METTL17: variants seen among roughly 807,000 people sequenced by gnomAD.
The protein encoded by METTL17 is ribosome assembly protein METTL17, mitochondrial.
In METTL17, 49 loss-of-function variants were observed where a neutral mutation model predicts 59.4. The observed-to-expected ratio is 0.82, with a 90% CI of 0.66 to 1.05. The LOEUF is 1.05. Ranked by LOEUF, METTL17 falls within the 50% of genes least tolerant of loss-of-function variation. The probability of loss-of-function intolerance (pLI) is 0.00; values close to 1 mark genes in which losing one functional copy is unlikely to be tolerated. For missense variants in METTL17, 555 were observed against 578.4 expected (o/e 0.96, Z 0.41); for synonymous variants, 208 against 209.2 (o/e 0.99, Z 0.05).
At chr14:20,995,269 T>C (rs1471320860) in intron 10 of METTL17, 36 bp downstream of exon 10, 4 of 1,559,446 alleles carry the variant, frequency 2.6e-6, no homozygotes, top group Middle Eastern at 3.4e-4. Flanking sequence ...CCCACCCATA[T>C]GGCACCAATT....
chr14:20,990,017 G>A lies in METTL17; in HGVS notation c.15G>A (p.Leu5=). 6.2e-7 allele frequency: 1 copy of A among 1,604,664 alleles called. No individual in the cohort carries two copies. Among genetic ancestry groups the A allele is most frequent in the Non-Finnish European group, 8.5e-7 (1 of 1,173,896 alleles). The change falls in exon 1 of 14, where the codon CTG becomes CTA. Residue 5 remains leucine, a synonymous_variant. Transcript: ENST00000339374. ...CCTCCGGAGCCATGGCGGCGGCACTGAAGTGTCTACTGACATTAGGAAGAT... is the reference window on the plus strand; with the variant it reads ...CCTCCGGAGCCATGGCGGCGGCACTAAAGTGTCTACTGACATTAGGAAGAT... MAAA[L]KCLLTLGRWC... is the part of the protein sequence containing the mutation.
chr14:20,990,754 G>T, intron 3 of METTL17, 156 bp downstream of exon 3: 7 of 913,090 alleles, frequency 7.7e-6, no homozygotes, highest in Non-Finnish European at 9.8e-6. Flanking sequence ...ACTAAAAGAA[G>T]GTAGATTATT....
intron 6 of METTL17, 85 bp downstream of exon 6, chr14:20,993,276 A>G: frequency 1.7e-6 from 2 of 1,143,416 alleles, no homozygotes; most frequent in Admixed American, 3.5e-5. Context: ...ACAGACTGGA[A>G]AACCAGAGGG....
At chr14:20,993,014 C>A in intron 5 of METTL17, 104 bp from the exon 6 acceptor site, 2 of 921,152 alleles carry the variant, frequency 2.2e-6, no homozygotes, top group Non-Finnish European at 3.6e-6. Context: ...TCTCAAAAGG[C>A]ATTCACATCT....
rs946608349 is a variant in METTL17 at position 20,992,280 on chromosome 14, ACAAT to A, written c.446+80_446+83del. 4 of 931,700 alleles carry A rather than the reference ACAAT, an allele frequency of 4.3e-6. No individual in the cohort carries two copies. In the African/African-American group the frequency reaches 6.7e-5, roughly 16 times the overall value. The allele number at this position is 931,700 out of a possible 1,614,324, so 57.7% of individuals were successfully genotyped here. A position where few individuals can be genotyped will look rare whatever the true frequency, so the allele number is the denominator to read the frequency against. Reference sequence around the variant, plus strand: ...AAGAGAGTTGGGGGAGTACAATTACACAATCAATTTAGTATTTTCTTTTATATCA... The same window carrying A: ...AAGAGAGTTGGGGGAGTACAATTACACAATTTAGTATTTTCTTTTATATCA... On this transcript the variant is annotated intron_variant, in intron 4 of 13. Transcript: ENST00000339374.
In METTL17 at chr14:20,996,815, C is replaced by T. The variant is rs768537061; in HGVS notation, c.1296C>T (p.Ser432=). ...TGTATCGTTGTGCCCGTGTCAGCTC[C>T]TGGGGAGATCTTTTACCTGTGCTTA... is the stretch of plus-strand genomic sequence containing the variant. ...RDLYRCARVS[S]WGDLLPVLTP... The change falls in exon 14 of 14, where the codon TCC becomes TCT. Residue 432 remains serine (S), a synonymous_variant. Transcript: ENST00000339374. 3 of 1,614,060 alleles carry T rather than the reference C, an allele frequency of 1.9e-6. No homozygotes were observed. The African/African-American group carries it at 4.0e-5, about 22-fold the overall frequency.
At chr14:20,994,997 C>T in intron 9 of METTL17, 96 bp downstream of exon 9, 1 of 1,207,566 alleles carries the variant, frequency 8.3e-7, no homozygotes, top group South Asian at 1.4e-5. Flanking sequence ...CACCATTTTT[C>T]TCCTTCATGG....
chr14:20,993,852 A>T (rs1482666562), intron 6 of METTL17, 117 bp from the exon 7 acceptor site: 2 of 624,700 alleles, frequency 3.2e-6, no homozygotes, highest in African/African-American at 3.7e-5. Context: ...TAACTATACA[A>T]CTACTTTAAC....
chr14:20,995,817 T>A (rs1880334759), intron 10 of METTL17, 84 bp from the exon 11 acceptor site: 1 of 1,048,158 alleles, frequency 9.5e-7, no homozygotes, highest in South Asian at 1.3e-5. Flanking sequence ...GTTAAAGGAG[T>A]CCTCAGTTTA....
Position 20,990,241 on chromosome 14 carries a change from C to G in METTL17, c.87C>G (p.Ala29=), listed in dbSNP as rs1316069910. ...GVAPQARALA[A]LVPGVTQVDN... is the part of the protein sequence containing the mutation. The stretch of plus-strand genomic sequence containing the variant: ...TTCTCTGCCTGCAGGCGCTCGCCGC[C>G]TTAGTACCCGGAGTGACCCAGGTAG... Residue 29 remains alanine, a synonymous_variant, in exon 2 of 14, where the codon GCC becomes GCG. Coordinates refer to ENST00000339374, the MANE Select transcript of METTL17 (RefSeq NM_022734.3). 2 of 1,614,234 alleles carry G rather than the reference C, an allele frequency of 1.2e-6. No homozygotes were observed. Among genetic ancestry groups the G allele is most frequent in the Non-Finnish European group, 1.7e-6 (2 of 1,180,044 alleles).
chr14:20,993,557 C>A (rs1013874021), intron 6 of METTL17: 4 of 249,514 alleles, frequency 1.6e-5, no homozygotes, highest in Admixed American at 5.2e-5. Context: ...CTCACTGCAG[C>A]CTCCACTCCT....
chr14:20,992,215 C>A lies in METTL17; in HGVS notation c.446+10C>A. On this transcript the variant is annotated intron_variant, in intron 4 of 13. Transcript: ENST00000339374. The stretch of plus-strand genomic sequence containing the variant: ...ATTGGCAAGAACTGAGGTAAGGGGG[C>A]CCAGAAGAGGTGCACAAGAAAGCAA... The A allele has an allele frequency of 1.3e-6, 2 of 1,549,276 alleles. No individual in the cohort carries two copies. Among genetic ancestry groups the A allele is most frequent in the Non-Finnish European group, 1.8e-6 (2 of 1,131,550 alleles).
rs897072761 is a variant in METTL17 at position 20,993,627 on chromosome 14, A to T, written c.603-342A>T. The T allele has an allele frequency of 3.6e-5, 8 of 220,580 alleles. No homozygotes were observed. In the Admixed American group the frequency reaches 4.3e-4, roughly 12 times the overall value. The allele number at this position is 220,580 out of a possible 1,614,324, so 13.7% of individuals were successfully genotyped here. A position where few individuals can be genotyped will look rare whatever the true frequency, so the allele number is the denominator to read the frequency against. On this transcript the variant is annotated intron_variant, in intron 6 of 13. Transcript: ENST00000339374. ...GTAGCTGGGACTACAGGTGCACGCC[A>T]CCACACCCAGCTAATTTTTGTATTT...
intron 10 of METTL17, 177 bp from the exon 11 acceptor site, chr14:20,995,724 A>G: frequency 3.3e-6 from 2 of 598,606 alleles, no homozygotes; most frequent in African/African-American, 1.9e-5. Flanking sequence ...CTCCTGCAGC[A>G]AAGAGAAAGT....
chr14:20,994,403 G>A lies in METTL17; in HGVS notation c.698-140G>A, dbSNP rs530743734. ...CTAGGGTAGCTGGGATTACAGGCAC[G>A]CACCGCCATACCTGGCTCATCCCTG... On this transcript the variant is annotated intron_variant, in intron 7 of 13. Transcript: ENST00000339374. 9.3e-5 allele frequency: 70 copies of A among 752,076 alleles called. 1 individual carries two copies. The Middle Eastern group carries it at 1.2e-3, about 13-fold the overall frequency. The allele number at this position is 752,076 out of a possible 1,614,324, so 46.6% of individuals were successfully genotyped here. A position where few individuals can be genotyped will look rare whatever the true frequency, so the allele number is the denominator to read the frequency against.
chr14:20,994,957 G>T, intron 9 of METTL17, 56 bp downstream of exon 9: 1 of 1,395,776 alleles, frequency 7.2e-7, no homozygotes, highest in Non-Finnish European at 1.0e-6. Context: ...TGGATTTCAT[G>T]CCTTTGCTCC....
In METTL17 at chr14:20,995,239, G is replaced by T; in HGVS notation, c.945+6G>T. 5.0e-6 allele frequency: 8 copies of T among 1,612,948 alleles called. No homozygotes were observed. The highest frequency in any genetic ancestry group is 6.8e-6 in the Non-Finnish European group (8 of 1,178,958). The stretch of plus-strand genomic sequence containing the variant: ...CCAGGGATCTGGTCCTTAAGGTAAG[G>T]CTTCTTCTTCCCTCACTCCCCCACC... On this transcript the variant is annotated splice_donor_region_variant and intron_variant, in intron 10 of 13. Transcript: ENST00000339374.
intron 11 of METTL17, 108 bp from the exon 12 acceptor site, chr14:20,996,101 C>T: frequency 3.9e-6 from 5 of 1,269,206 alleles, no homozygotes; most frequent in Non-Finnish European, 5.7e-6. Context: ...CTACCCACTG[C>T]TCCTGTCCTC....
chr14:20,995,145 T>G lies in METTL17; in HGVS notation c.877-20T>G. The G allele has an allele frequency of 6.2e-7, 1 of 1,610,332 alleles. No individual in the cohort carries two copies. The highest frequency in any genetic ancestry group is 8.5e-7 in the Non-Finnish European group (1 of 1,176,604). On this transcript the variant is annotated intron_variant, in intron 9 of 13. Coordinates refer to ENST00000339374, the MANE Select transcript of METTL17 (RefSeq NM_022734.3). ...TCGTGTAATTCAAGTCTTCTGCATA[T>G]TTTCCCCTTTTGTGAACAGGTACTG...
Sources: gnomAD v4.1 joint callset for allele counts on GRCh38, gnomAD v4.1.1 for gene constraint, MANE v1.5 for transcripts, NCBI Gene and HGNC (gene_info 2026-07-23, HGNC 2026-07-21) for gene names.